HELQ: variants seen among roughly 807,000 people sequenced by gnomAD.
HELQ encodes the protein helicase POLQ-like.
In HELQ, 77 loss-of-function variants were observed where a neutral mutation model predicts 111.6. That is an observed-to-expected ratio of 0.69 (90% confidence interval 0.57 to 0.83). HELQ has a LOEUF of 0.83. Ranked by LOEUF, HELQ falls within the 40% of genes least tolerant of loss-of-function variation. HELQ has a pLI of 0.00. For missense variants in HELQ, 1,200 were observed against 1,288.5 expected (o/e 0.93, Z 1.05); for synonymous variants, 438 against 454.7 (o/e 0.96, Z 0.47).
intron 2 of HELQ, among the ~76,000 whole-genome samples, chr4:83,450,695 A>G (rs989774161): frequency 1.3e-5 from 2 of 151,870 alleles, no homozygotes; most frequent in African/African-American, 4.8e-5. Context: ...GCCGGGTACA[A>G]TGGCTCATAT....
In HELQ at chr4:83,453,659, A is replaced by G. The variant is rs138004135; in HGVS notation, c.584T>C (p.Val195Ala). The change falls in exon 2 of 18, where the codon GTA (valine) becomes GCA (alanine). Residue 195 changes from valine to alanine, a missense_variant. By Grantham distance (64) the Val-to-Ala change is moderately conservative. Coordinates refer to ENST00000295488, the MANE Select transcript of HELQ (RefSeq NM_133636.5). Reference protein sequence around the residue: ...IEPGADLLYDVPSSQAIYFEN... With the variant: ...IEPGADLLYDAPSSQAIYFEN... ...AAAGTATATAGCCTGTGAGGAAGGT[A>G]CATCATACAAAAGATCAGCTCCAGG... The G allele has an allele frequency of 2.8e-5, 46 of 1,614,050 alleles. No homozygotes were observed. In the African/African-American group the frequency reaches 5.7e-4, roughly 20 times the overall value.
In HELQ at chr4:83,452,866, C is replaced by T. The variant is rs149985836; in HGVS notation, c.1012+365G>A. Among the ~76,000 whole-genome samples, 518 of 152,246 alleles carry T rather than the reference C, an allele frequency of 3.4e-3. 10 individuals are homozygous for T. Among genetic ancestry groups the T allele is most frequent in the Non-Finnish European group, 8.2e-4 (56 of 68,016 alleles). ...GTGGGGTAATTTACTAAAGTTCTTA[C>T]TTAGAAGCTACCAATATAATTATTG... On this transcript the variant is annotated intron_variant, in intron 2 of 17. Coordinates refer to ENST00000295488, the MANE Select transcript of HELQ (RefSeq NM_133636.5).
intron 15 of HELQ, among the ~76,000 whole-genome samples, chr4:83,419,114 G>A (rs1739516669): frequency 6.6e-6 from 1 of 150,766 alleles, no homozygotes; most frequent in Non-Finnish European, 1.5e-5. Context: ...GGATGGCTTT[G>A]AATGTCACCC....
At position 83,455,330 on chromosome 4, in the gene HELQ, T is replaced by G. The variant is rs568251022; in HGVS notation, c.297+67A>C. The G allele has an allele frequency of 1.8e-5, 29 of 1,569,694 alleles. No individual in the cohort carries two copies. In the East Asian group the frequency reaches 6.5e-4, roughly 35 times the overall value. ...GAGAAGTAAACGAAGGCGATAAAACTGGTCAACTCTTTGCATCTGGGAAGG... is the reference window on the plus strand; with the variant it reads ...GAGAAGTAAACGAAGGCGATAAAACGGGTCAACTCTTTGCATCTGGGAAGG... On this transcript the variant is annotated intron_variant, in intron 1 of 17. Transcript: ENST00000295488.
At chr4:83,420,424 A>C (rs1739607245) in intron 15 of HELQ, among the ~76,000 whole-genome samples, 1 of 152,074 alleles carries the variant, frequency 6.6e-6, no homozygotes, top group Non-Finnish European at 1.5e-5. Flanking sequence ...CTTCAGCCTG[A>C]AGTTCAAGAC....
chr4:83,438,395 C>T (rs1176219086), intron 8 of HELQ, among the ~76,000 whole-genome samples: 2 of 152,134 alleles, frequency 1.3e-5, no homozygotes, highest in African/African-American at 4.8e-5. Flanking sequence ...ACATTTCTTA[C>T]TCAGGAAATT....
chr4:83,428,286 T>G (rs772164257), intron 12 of HELQ, among the ~76,000 whole-genome samples: 3 of 151,820 alleles, frequency 2.0e-5, no homozygotes, highest in Non-Finnish European at 4.4e-5. Flanking sequence ...TATGGCACTT[T>G]CCTTAACATA....
At chr4:83,421,411 C>T (rs867252673) in intron 15 of HELQ, 152 bp downstream of exon 15, 26 of 595,166 alleles carry the variant, frequency 4.4e-5, no homozygotes, top group East Asian at 4.2e-4. Flanking sequence ...TAAAAACAAA[C>T]GTACATTTTA....
At chr4:83,438,708 T>C (rs964507810) in intron 8 of HELQ, among the ~76,000 whole-genome samples, 4 of 134,600 alleles carry the variant, frequency 3.0e-5, no homozygotes, top group Non-Finnish European at 4.5e-5. Flanking sequence ...TTTGTGCTAC[T>C]GCATTCCAGC....
intron 2 of HELQ, among the ~76,000 whole-genome samples, chr4:83,451,927 C>T (rs1463908347): frequency 1.3e-5 from 2 of 152,198 alleles, no homozygotes; most frequent in Non-Finnish European, 2.9e-5. Context: ...ACCTGATTGT[C>T]TTCTCTGCAA....
At position 83,453,854 on chromosome 4, in the gene HELQ, T is replaced by C. The variant is rs1418288981; in HGVS notation, c.389A>G (p.Tyr130Cys). ...IAQVDDLEQK[Y>C]MQLPEHKKHA... ...TTTCTTATGTTCAGGGAGTTGCATA[T>C]ATTTTTGTTCCAGGTCGTCAACTTG... Residue 130 changes from tyrosine to cysteine, a missense_variant, in exon 2 of 18, where the codon TAT (tyrosine) becomes TGT (cysteine). By Grantham distance (194) the Tyr-to-Cys change is radical. Transcript: ENST00000295488. 2.5e-6 allele frequency: 4 copies of C among 1,614,064 alleles called. No homozygotes were observed. Among genetic ancestry groups the C allele is most frequent in the Non-Finnish European group, 2.5e-6 (3 of 1,179,896 alleles).
chr4:83,436,154 A>G (rs1720445997), intron 9 of HELQ, among the ~76,000 whole-genome samples: 1 of 152,172 alleles, frequency 6.6e-6, no homozygotes, highest in Non-Finnish European at 1.5e-5. Context: ...GGAGAAACTG[A>G]TAACTACATA....
At chr4:83,419,161 A>ATTTTT (rs34131623) in intron 15 of HELQ, among the ~76,000 whole-genome samples, 1 of 135,806 alleles carries the variant, frequency 7.4e-6, no homozygotes, top group African/African-American at 2.7e-5. Flanking sequence ...ACACCATGAG[A>ATTTTT]TTTTTTTTTT....
At chr4:83,430,559 A>G (rs1418230189) in intron 11 of HELQ, among the ~76,000 whole-genome samples, 1 of 152,318 alleles carries the variant, frequency 6.6e-6, no homozygotes, top group Admixed American at 6.5e-5. Context: ...GCCAATTTCA[A>G]TGAAATCAGC....
intron 9 of HELQ, among the ~76,000 whole-genome samples, chr4:83,433,962 A>G (rs183615208): frequency 3.4e-4 from 51 of 148,544 alleles, no homozygotes; most frequent in African/African-American, 1.3e-3. Flanking sequence ...ACCTGGAGAC[A>G]AAGCGAGACT....
At chr4:83,446,486 T>C (rs1721055362) in intron 4 of HELQ, among the ~76,000 whole-genome samples, 1 of 152,004 alleles carries the variant, frequency 6.6e-6, no homozygotes, top group Non-Finnish European at 1.5e-5. Context: ...TTTGTATTTT[T>C]AGTAGAGACA....
chr4:83,407,633 C>A, intron 17 of HELQ, 73 bp from the exon 18 acceptor site: 1 of 844,016 alleles, frequency 1.2e-6, no homozygotes, highest in Admixed American at 2.1e-5. Flanking sequence ...TACCACTGTC[C>A]ATTGAACACC....
Position 83,446,893 on chromosome 4 carries a change from A to G in HELQ, c.1334T>C (p.Val445Ala), listed in dbSNP as rs199912279. ...TCTTCCAGTTTCAATCAAGGAGTTC[A>G]CCAAGCTATGTCCTTTTTCAATAGT... ...IATIEKGHSL[V>A]NSLIETGRID... The change falls in exon 4 of 18, where the codon GTG (valine) becomes GCG (alanine). Residue 445 changes from valine to alanine, a missense_variant. Physicochemically the swap from Val to Ala is moderately conservative, Grantham distance 64 (BLOSUM62 0). Transcript: ENST00000295488. 6.2e-7 allele frequency: 1 copy of G among 1,613,744 alleles called. No individual in the cohort carries two copies. The highest frequency in any genetic ancestry group is 8.5e-7 in the Non-Finnish European group (1 of 1,179,638).
intron 17 of HELQ, among the ~76,000 whole-genome samples, chr4:83,412,371 T>C (rs111550116): frequency 1.4e-3 from 209 of 152,332 alleles, no homozygotes; most frequent in African/African-American, 4.7e-3. Context: ...GATAGACATA[T>C]ATTGGTCTTC....
Sources: allele counts gnomAD v4.1 joint callset (sites outside exome capture counted in the v4.1 genomes callset), GRCh38; gene constraint gnomAD v4.1.1; transcripts MANE v1.5; gene names NCBI Gene and HGNC (gene_info 2026-07-23, HGNC 2026-07-21).